Variants in KIAA1210 observed in about 807,000 individuals in gnomAD.
KIAA1210 encodes the protein acrosomal protein KIAA1210.
Under a neutral mutation model 78.9 loss-of-function variants are expected in KIAA1210, and 48 were observed. The observed-to-expected ratio is 0.61, with a 90% CI of 0.48 to 0.77. The LOEUF (loss-of-function observed/expected upper bound fraction) is 0.77. KIAA1210 is among the 30% of genes least tolerant of loss of function. The probability of loss-of-function intolerance (pLI) is 0.00; values close to 1 mark genes in which losing one functional copy is unlikely to be tolerated. For synonymous variants in KIAA1210, 406 were observed against 404.5 expected (o/e 1.00, Z -0.04); for missense variants, 1,108 against 1,100.0 (o/e 1.01, Z -0.10).
intron 5 of KIAA1210, among the ~76,000 whole-genome samples, chrX:119,105,389 C>T (rs1358609206): frequency 8.9e-6 from 1 of 112,052 alleles, no homozygotes; most frequent in Admixed American, 9.5e-5. Context: ...ACACTTTTGC[C>T]AATCCCCAAA....
chrX:119,150,695 G>A (rs1380259484), upstream of KIAA1210: 1 of 817,095 alleles, frequency 1.2e-6, no homozygotes, highest in East Asian at 3.2e-5. Context: ...GCACACCTGC[G>A]CGAGCTCTCC....
At position 119,088,101 on chromosome X, in the gene KIAA1210, G is replaced by C; in HGVS notation, c.2601C>G (p.Gly867=). The C allele has an allele frequency of 8.3e-7, 1 of 1,211,255 alleles. No individual in the cohort carries two copies. The highest frequency in any genetic ancestry group is 1.1e-6 in the Non-Finnish European group (1 of 895,133). Reference sequence around the variant, plus strand: ...TGGGAGGCAGCGGTTCCACATAAGTGCCTTCCTCAACAGCTGTGCTTTCTG... The same window carrying C: ...TGGGAGGCAGCGGTTCCACATAAGTCCCTTCCTCAACAGCTGTGCTTTCTG... ...QISESTAVEE[G]TYVEPLPPRC... The change falls in exon 9 of 12, where the codon GGC becomes GGG. Residue 867 remains glycine (G), a synonymous_variant. Transcript: ENST00000691062.
In KIAA1210 at chrX:119,079,481, T is replaced by C. The variant is rs1266418954; in HGVS notation, c.*1848A>G. On this transcript the variant is annotated 3_prime_UTR_variant, in exon 12 of 12. Coordinates refer to ENST00000691062, the MANE Select transcript of KIAA1210 (RefSeq NM_001394962.1). Reference sequence around the variant, plus strand: ...AAAGGAAGATTTAACTAACTTCTAGTGAACCTAGATGAGATTCTAGGGTGG... The same window carrying C: ...AAAGGAAGATTTAACTAACTTCTAGCGAACCTAGATGAGATTCTAGGGTGG... 1 of 111,896 alleles carries C rather than the reference T, an allele frequency of 8.9e-6. No homozygotes were observed. The highest frequency in any genetic ancestry group is 1.9e-5 in the Non-Finnish European group (1 of 53,107). 9.2% of individuals were successfully genotyped at this position (111,896 alleles called of 1,213,427 possible). A position where few individuals can be genotyped will look rare whatever the true frequency, so the allele number is the denominator to read the frequency against.
intron 1 of KIAA1210, among the ~76,000 whole-genome samples, chrX:119,148,852 A>G (rs1929226357): frequency 9.0e-6 from 1 of 111,366 alleles, no homozygotes; most frequent in Non-Finnish European, 1.9e-5. Context: ...TGAGAAATGT[A>G]TATATTTATA....
intron 2 of KIAA1210, among the ~76,000 whole-genome samples, chrX:119,146,609 T>C (rs1459828572): frequency 8.9e-6 from 1 of 112,275 alleles, no homozygotes; most frequent in Non-Finnish European, 1.9e-5. Context: ...GAAAAAACTT[T>C]AGGTGAACTG....
At chrX:119,133,837 T>G (rs916074568) in intron 2 of KIAA1210, among the ~76,000 whole-genome samples, 1 of 109,650 alleles carries the variant, frequency 9.1e-6, no homozygotes, top group Admixed American at 9.8e-5. Flanking sequence ...TTATTATATT[T>G]TTTAATTTGG....
In KIAA1210 at chrX:119,108,430, C is replaced by T. The variant is rs1286029167; in HGVS notation, c.399G>A (p.Lys133=). ...TGGCTCCAGACACAACTCCAGGAAC[C>T]TTACTCCTAGGTTTAGGCAGAGTTC... ...ISRTLPKPRS[K]VPGVVSGAMS... Residue 133 remains lysine, a synonymous_variant, in exon 5 of 12, where the codon AAG becomes AAA. Transcript: ENST00000691062. The T allele has an allele frequency of 8.3e-7, 1 of 1,210,327 alleles. No homozygotes were observed.
At chrX:119,121,543 A>G (rs1928457181) in intron 2 of KIAA1210, among the ~76,000 whole-genome samples, 1 of 94,262 alleles carries the variant, frequency 1.1e-5, no homozygotes, top group South Asian at 6.1e-4. Flanking sequence ...GCAGTGTGTC[A>G]CATGCCAGAA....
chrX:119,104,046 G>A (rs752360475), intron 6 of KIAA1210, among the ~76,000 whole-genome samples: 2 of 112,286 alleles, frequency 1.8e-5, no homozygotes, highest in Non-Finnish European at 3.8e-5. Flanking sequence ...ACAACATTGT[G>A]AATGTATGTA....
chrX:119,121,738 T>G (rs1928464121), intron 2 of KIAA1210, among the ~76,000 whole-genome samples: 1 of 112,233 alleles, frequency 8.9e-6, no homozygotes, highest in Non-Finnish European at 1.9e-5. Context: ...GCATTGCTGC[T>G]TGGAAAGAAA....
chrX:119,147,086 A>G (rs1418814580), intron 2 of KIAA1210, among the ~76,000 whole-genome samples: 1 of 111,289 alleles, frequency 9.0e-6, no homozygotes, highest in Non-Finnish European at 1.9e-5. Context: ...CTGGAAGGTG[A>G]CATAGAGCCA....
intron 2 of KIAA1210, among the ~76,000 whole-genome samples, chrX:119,136,895 T>C (rs1268936892): frequency 9.0e-6 from 1 of 110,926 alleles, no homozygotes; most frequent in Non-Finnish European, 1.9e-5. Context: ...CCCAAATCTT[T>C]CCTTTTACCC....
At chrX:119,092,577 C>T (rs915015587) in intron 8 of KIAA1210, among the ~76,000 whole-genome samples, 4 of 110,350 alleles carry the variant, frequency 3.6e-5, no homozygotes, top group Non-Finnish European at 7.6e-5. Flanking sequence ...CTGGCTAACA[C>T]GGTGAAACTC....
At chrX:119,092,814 A>G (rs942203562) in intron 8 of KIAA1210, among the ~76,000 whole-genome samples, 3 of 108,225 alleles carry the variant, frequency 2.8e-5, no homozygotes, top group African/African-American at 1.0e-4. Flanking sequence ...AATAAAGCTC[A>G]AAAAGACAAA....
At position 119,089,118 on chromosome X, in the gene KIAA1210, ATCT is replaced by A; in HGVS notation, c.1581_1583del (p.Glu527del). 1 of 1,211,695 alleles carries A rather than the reference ATCT, an allele frequency of 8.3e-7. No homozygotes were observed. The highest frequency in any genetic ancestry group is 3.0e-5 in the East Asian group (1 of 33,840). On this transcript the variant is annotated inframe_deletion, in exon 9 of 12. Coordinates refer to ENST00000691062, the MANE Select transcript of KIAA1210 (RefSeq NM_001394962.1). Reference sequence around the variant, plus strand: ...GTAAATCAAAGCTGAAAGCTTCTTGATCTTCTAACTGGATATGAGAAGGATTCA... The same window carrying A: ...GTAAATCAAAGCTGAAAGCTTCTTGATCTAACTGGATATGAGAAGGATTCA...
chrX:119,092,756 G>A (rs867562179), intron 8 of KIAA1210, among the ~76,000 whole-genome samples: 181 of 57,996 alleles, frequency 3.1e-3, no homozygotes, highest in Non-Finnish European at 4.9e-3. Context: ...GTGAGACTCC[G>A]TCTTAAATAA....
At chrX:119,142,986 C>T (rs1254843959) in intron 2 of KIAA1210, among the ~76,000 whole-genome samples, 1 of 111,012 alleles carries the variant, frequency 9.0e-6, no homozygotes, top group African/African-American at 3.3e-5. Context: ...CGACATGGGA[C>T]TTGGAGGGGA....
At position 119,086,720 on chromosome X, in the gene KIAA1210, G is replaced by T. The variant is rs1349387940; in HGVS notation, c.3982C>A (p.Pro1328Thr). ...ACAGAGGATGAAATTGGGCCCGAGG[G>T]CACTGAAGCAAGCTGGGTGAAGTTA... is the stretch of plus-strand genomic sequence containing the variant. ...QDNFTQLASV[P>T]SGPISSSVGR... Residue 1328 changes from proline to threonine, a missense_variant, in exon 9 of 12, where the codon CCC becomes ACC. Transcript: ENST00000691062. 8.3e-7 allele frequency: 1 copy of T among 1,211,222 alleles called. No homozygotes were observed. The highest frequency in any genetic ancestry group is 1.8e-5 in the South Asian group (1 of 56,852).
At chrX:119,145,201 C>T (rs1330382611) in intron 2 of KIAA1210, among the ~76,000 whole-genome samples, 3 of 110,734 alleles carry the variant, frequency 2.7e-5, no homozygotes, top group Non-Finnish European at 3.8e-5. Flanking sequence ...CAGACTTCTA[C>T]TTTGGGAAAC....
Sources: allele counts gnomAD v4.1 joint callset (sites outside exome capture counted in the v4.1 genomes callset), GRCh38; gene constraint gnomAD v4.1.1; transcripts MANE v1.5; gene names NCBI Gene and HGNC (gene_info 2026-07-23, HGNC 2026-07-21).